Variants in LRMDA observed in about 807,000 individuals in gnomAD.
LRMDA encodes leucine rich melanocyte differentiation associated.
In LRMDA, 18 loss-of-function variants were observed where a neutral mutation model predicts 29.8. The observed-to-expected ratio is 0.60, with a 90% CI of 0.42 to 0.90. LRMDA has a LOEUF of 0.90. Ranked by LOEUF, LRMDA falls within the 40% of genes least tolerant of loss-of-function variation. The pLI, the probability that LRMDA is intolerant of heterozygous loss-of-function variation, is 0.00. For missense variants in LRMDA, 273 were observed against 273.9 expected (o/e 1.00, Z 0.02); for synonymous variants, 125 against 109.4 (o/e 1.14, Z -0.89).
intron 2 of LRMDA, among the ~76,000 whole-genome samples, chr10:76,031,578 T>C (rs1848151401): frequency 6.6e-6 from 1 of 152,014 alleles, no homozygotes; most frequent in Admixed American, 6.5e-5. Flanking sequence ...GATCCCCTCT[T>C]AGAGGGGCCT....
chr10:76,273,986 A>C (rs1256424209), intron 5 of LRMDA, among the ~76,000 whole-genome samples: 1 of 152,066 alleles, frequency 6.6e-6, no homozygotes, highest in Non-Finnish European at 1.5e-5. Flanking sequence ...AGCAGGATTT[A>C]CTTTTTTTTA....
At chr10:76,133,613 T>C (rs1233238801) in intron 5 of LRMDA, among the ~76,000 whole-genome samples, 2 of 152,194 alleles carry the variant, frequency 1.3e-5, no homozygotes, top group African/African-American at 4.8e-5. Context: ...TTAAAAAGAA[T>C]GTTAAATACA....
intron 6 of LRMDA, among the ~76,000 whole-genome samples, chr10:76,334,813 T>G (rs1301334813): frequency 1.3e-5 from 2 of 152,186 alleles, no homozygotes; most frequent in Non-Finnish European, 2.9e-5. Flanking sequence ...ACCATGGTTT[T>G]CATGAGAGCC....
At chr10:75,468,318 A>G (rs554167537) in intron 2 of LRMDA, among the ~76,000 whole-genome samples, 2 of 152,222 alleles carry the variant, frequency 1.3e-5, no homozygotes, top group East Asian at 3.9e-4. Context: ...TGTTGGCCAT[A>G]TCAAAGGATG....
intron 5 of LRMDA, among the ~76,000 whole-genome samples, chr10:76,261,521 C>A (rs891003502): frequency 5.3e-5 from 8 of 152,012 alleles, no homozygotes; most frequent in Admixed American, 2.0e-4. Context: ...ACAAAATGAA[C>A]AGTGAATTAA....
At chr10:75,696,423 A>T (rs1842235679) in intron 2 of LRMDA, among the ~76,000 whole-genome samples, 1 of 152,246 alleles carries the variant, frequency 6.6e-6, no homozygotes, top group African/African-American at 2.4e-5. Context: ...ACTAGTCACA[A>T]GACCCCATTC....
chr10:76,377,759 C>A (rs1423714317), intron 6 of LRMDA, among the ~76,000 whole-genome samples: 2 of 152,164 alleles, frequency 1.3e-5, no homozygotes, highest in East Asian at 3.9e-4. Flanking sequence ...ATACCAATAT[C>A]AGACTGTTTT....
At chr10:75,806,016 G>A (rs916523513) in intron 2 of LRMDA, among the ~76,000 whole-genome samples, 4 of 152,090 alleles carry the variant, frequency 2.6e-5, no homozygotes, top group South Asian at 2.1e-4. Context: ...GGCTTCTAGC[G>A]AGGCCTCAGG....
At chr10:76,166,222 T>G (rs1008163980) in intron 5 of LRMDA, among the ~76,000 whole-genome samples, 1 of 152,222 alleles carries the variant, frequency 6.6e-6, no homozygotes, top group Admixed American at 6.5e-5. Flanking sequence ...GAGTTCTCAG[T>G]CAAAACCATG....
chr10:76,328,520 C>A (rs2132403559), intron 6 of LRMDA, among the ~76,000 whole-genome samples: 1 of 152,284 alleles, frequency 6.6e-6, no homozygotes, highest in East Asian at 1.9e-4. Flanking sequence ...AAGCCCTGTG[C>A]CCTTAATTCT....
chr10:75,980,927 G>A (rs80350301), intron 2 of LRMDA, among the ~76,000 whole-genome samples: 168 of 152,210 alleles, frequency 1.1e-3, no homozygotes, highest in African/African-American at 3.8e-3. Flanking sequence ...ACGTGTGTGC[G>A]TCCCAATCCA....
chr10:76,156,663 G>A (rs1007835997), intron 5 of LRMDA, among the ~76,000 whole-genome samples: 9 of 152,102 alleles, frequency 5.9e-5, no homozygotes, highest in African/African-American at 2.2e-4. Flanking sequence ...GAGTATTATG[G>A]GCCATTGGTT....
intron 5 of LRMDA, among the ~76,000 whole-genome samples, chr10:76,113,543 G>A (rs959655036): frequency 4.6e-5 from 7 of 152,158 alleles, no homozygotes; most frequent in Admixed American, 2.6e-4. Flanking sequence ...TCCAAGGGTC[G>A]CCTCTTCATG....
chr10:75,576,536 C>G (rs549787342), intron 2 of LRMDA, among the ~76,000 whole-genome samples: 19 of 152,354 alleles, frequency 1.2e-4, no homozygotes, highest in African/African-American at 4.1e-4. Context: ...GGACAGACTG[C>G]CTCCTCAAGT....
intron 5 of LRMDA, among the ~76,000 whole-genome samples, chr10:76,269,396 G>A (rs1231290685): frequency 6.6e-6 from 1 of 152,056 alleles, no homozygotes; most frequent in African/African-American, 2.4e-5. Context: ...ATTTATAAAG[G>A]CCACTCATGA....
At chr10:76,141,362 T>A (rs578211571) in intron 5 of LRMDA, among the ~76,000 whole-genome samples, 17 of 152,260 alleles carry the variant, frequency 1.1e-4, no homozygotes, top group Non-Finnish European at 2.1e-4. Context: ...AGCACAGTTT[T>A]AATTAATACT....
intron 2 of LRMDA, among the ~76,000 whole-genome samples, chr10:75,841,314 G>A (rs1476840422): frequency 2.0e-5 from 3 of 152,126 alleles, no homozygotes; most frequent in Non-Finnish European, 4.4e-5. Context: ...ATCTCCTATG[G>A]TTTATTATCG....
At chr10:75,690,164 C>G (rs1842127624) in intron 2 of LRMDA, among the ~76,000 whole-genome samples, 1 of 152,174 alleles carries the variant, frequency 6.6e-6, no homozygotes, top group African/African-American at 2.4e-5. Flanking sequence ...GTTTGGGAAA[C>G]AGTGGCATGA....
intron 5 of LRMDA, among the ~76,000 whole-genome samples, chr10:76,069,255 G>A (rs1848836050): frequency 6.6e-6 from 1 of 152,198 alleles, no homozygotes; most frequent in Admixed American, 6.5e-5. Flanking sequence ...GCATGATGGG[G>A]AAGGCTTGTC....
Sources: gnomAD v4.1 joint callset for allele counts (sites outside exome capture counted in the v4.1 genomes callset) on GRCh38, gnomAD v4.1.1 for gene constraint, MANE v1.5 for transcripts, NCBI Gene and HGNC (gene_info 2026-07-23, HGNC 2026-07-21) for gene names.